OSBPL10: variants seen among roughly 807,000 people sequenced by gnomAD.
OSBPL10 encodes the protein oxysterol-binding protein-related protein 10.
In OSBPL10, 49 loss-of-function variants were observed where a neutral mutation model predicts 81.7. The ratio of observed to expected loss-of-function variants is 0.60; its 90% confidence interval spans 0.48 to 0.76. The LOEUF (loss-of-function observed/expected upper bound fraction) is 0.76, where lower values mean the gene tolerates loss of function less well. OSBPL10 is among the 30% of genes least tolerant of loss of function. The pLI, the probability that OSBPL10 is intolerant of heterozygous loss-of-function variation, is 0.00. For missense variants in OSBPL10, 923 were observed against 987.8 expected, an observed-to-expected ratio of 0.93 and a Z score of 0.88; for synonymous variants, 419 against 383.6, an observed-to-expected ratio of 1.09 and a Z score of -1.08.
intron 8 of OSBPL10, 84 bp downstream of exon 8, chr3:31,683,550 T>G: frequency 6.6e-7 from 1 of 1,512,792 alleles, no homozygotes; most frequent in Non-Finnish European, 8.8e-7. Context: ...AACAAAAAAC[T>G]CCACACACAA....
At chr3:31,926,955 T>C (rs9856276) in intron 1 of OSBPL10, among the ~76,000 whole-genome samples, 88,621 of 151,758 alleles carry the variant, frequency 0.58, 26,703 homozygotes, top group African/African-American at 0.74. Flanking sequence ...ACTAAAAATA[T>C]AAAAAATTAG....
At chr3:31,842,822 G>A (rs1700531910) in intron 3 of OSBPL10, among the ~76,000 whole-genome samples, 1 of 152,166 alleles carries the variant, frequency 6.6e-6, no homozygotes, top group Admixed American at 6.5e-5. Context: ...ACTGATACGG[G>A]AAGAGCAAAA....
chr3:31,857,553 G>A (rs897541104), intron 3 of OSBPL10, among the ~76,000 whole-genome samples: 6 of 151,442 alleles, frequency 4.0e-5, no homozygotes, highest in South Asian at 2.1e-4. Context: ...AAAGAGCCTC[G>A]GCTCCAGGTT....
At chr3:31,702,563 A>G in intron 6 of OSBPL10, 55 bp from the exon 7 acceptor site, 1 of 1,604,478 alleles carries the variant, frequency 6.2e-7, no homozygotes, top group Non-Finnish European at 8.5e-7. Flanking sequence ...AGTTAGAAAT[A>G]AAGTGTATGA....
intron 4 of OSBPL10, among the ~76,000 whole-genome samples, chr3:31,773,356 A>AT (rs1698438069): frequency 6.6e-6 from 1 of 152,228 alleles, no homozygotes; most frequent in South Asian, 2.1e-4. Context: ...CCTGGGGGAC[A>AT]TTTAAAACAG....
At chr3:31,861,405 G>C (rs1701054646) in intron 3 of OSBPL10, among the ~76,000 whole-genome samples, 1 of 152,126 alleles carries the variant, frequency 6.6e-6, no homozygotes, top group African/African-American at 2.4e-5. Flanking sequence ...TATGTAAACA[G>C]TTATTTGTAT....
intron 10 of OSBPL10, among the ~76,000 whole-genome samples, chr3:31,666,799 T>C (rs957717064): frequency 6.6e-6 from 1 of 152,176 alleles, no homozygotes; most frequent in Non-Finnish European, 1.5e-5. Context: ...ATTATAACAA[T>C]ATACCATAAT....
At position 31,791,236 on chromosome 3, in the gene OSBPL10, T is replaced by C. The variant is rs1345610958; in HGVS notation, c.729+38804A>G. On this transcript the variant is annotated intron_variant, in intron 4 of 11. Coordinates refer to ENST00000396556, the MANE Select transcript of OSBPL10 (RefSeq NM_017784.5). Reference sequence around the variant, plus strand: ...AAATCTTGTCGTTTAAAAACCATAATGCATCTTTCAAACCTCAGAAAATGG... The same window carrying C: ...AAATCTTGTCGTTTAAAAACCATAACGCATCTTTCAAACCTCAGAAAATGG... Among the ~76,000 whole-genome samples the C allele has an allele frequency of 2.0e-5, 3 of 152,196 alleles. No individual in the cohort carries two copies. The East Asian group carries it at 5.8e-4, about 29-fold the overall frequency.
chr3:31,838,533 A>C (rs901604613), intron 3 of OSBPL10, among the ~76,000 whole-genome samples: 7 of 147,534 alleles, frequency 4.7e-5, no homozygotes, highest in Non-Finnish European at 8.9e-5. Flanking sequence ...AAAAAAAAAA[A>C]AAAACCTCAT....
At chr3:31,929,609 G>T (rs757196407) in intron 1 of OSBPL10, among the ~76,000 whole-genome samples, 1 of 151,980 alleles carries the variant, frequency 6.6e-6, no homozygotes, top group Non-Finnish European at 1.5e-5. Context: ...TTAGCTGGGC[G>T]TGGTGGCAGC....
At chr3:31,967,479 C>CA (rs1292656240) in intron 1 of OSBPL10, among the ~76,000 whole-genome samples, 3 of 137,526 alleles carry the variant, frequency 2.2e-5, no homozygotes, top group Non-Finnish European at 4.5e-5. Context: ...CACCCTGTCT[C>CA]AAAAAAATGA....
At chr3:31,791,634 A>T (rs1335268178) in intron 4 of OSBPL10, among the ~76,000 whole-genome samples, 2 of 152,120 alleles carry the variant, frequency 1.3e-5, no homozygotes, top group African/African-American at 4.8e-5. Context: ...CTAGTGACTT[A>T]AAGAGGTTTT....
intron 4 of OSBPL10, among the ~76,000 whole-genome samples, chr3:31,821,950 C>T (rs1699989813): frequency 6.6e-6 from 1 of 152,200 alleles, no homozygotes; most frequent in Non-Finnish European, 1.5e-5. Context: ...AACAAGATCA[C>T]ACCAAATCAT....
At position 31,980,949 on chromosome 3, in the gene OSBPL10, G is replaced by C. The variant is rs1698822014; in HGVS notation, c.231C>G (p.Leu77=). The change falls in exon 1 of 12, where the codon CTC becomes CTG. Residue 77 remains leucine, a synonymous_variant. Coordinates refer to ENST00000396556, the MANE Select transcript of OSBPL10 (RefSeq NM_017784.5). ...GGGGRRREPA[L]EGVLSKYTNL... The stretch of plus-strand genomic sequence containing the variant: ...TGGTGTATTTGCTGAGCACGCCCTC[G>C]AGCGCCGGCTCCCTCCTGCGGCCGC... 1 of 1,577,966 alleles carries C rather than the reference G, an allele frequency of 6.3e-7. No homozygotes were observed. The highest frequency in any genetic ancestry group is 8.6e-7 in the Non-Finnish European group (1 of 1,165,906).
chr3:31,837,948 G>C (rs1575575920), intron 3 of OSBPL10, among the ~76,000 whole-genome samples: 1 of 152,202 alleles, frequency 6.6e-6, no homozygotes, highest in East Asian at 1.9e-4. Flanking sequence ...AAAGATGTCA[G>C]TTCTCTCTAA....
At chr3:31,873,884 C>G (rs1701389679) in intron 3 of OSBPL10, among the ~76,000 whole-genome samples, 1 of 152,194 alleles carries the variant, frequency 6.6e-6, no homozygotes, top group Admixed American at 6.5e-5. Flanking sequence ...ATAATAAGGT[C>G]TGTTCACAGT....
chr3:31,973,522 G>C (rs1575071476), intron 1 of OSBPL10, among the ~76,000 whole-genome samples: 2 of 152,294 alleles, frequency 1.3e-5, no homozygotes, highest in South Asian at 2.1e-4. Flanking sequence ...CAGATGGAGA[G>C]ACCAAGGCCC....
intron 7 of OSBPL10, among the ~76,000 whole-genome samples, chr3:31,694,005 A>G (rs1323539269): frequency 6.6e-6 from 1 of 152,162 alleles, no homozygotes; most frequent in Non-Finnish European, 1.5e-5. Flanking sequence ...CCTGGACTGA[A>G]GTGATTCTCC....
At chr3:31,731,637 T>C (rs951498854) in intron 6 of OSBPL10, among the ~76,000 whole-genome samples, 1 of 151,900 alleles carries the variant, frequency 6.6e-6, no homozygotes, top group Non-Finnish European at 1.5e-5. Flanking sequence ...TACAGGCGTG[T>C]GCCACCACGC....
Sources: gnomAD v4.1 joint callset for allele counts (sites outside exome capture counted in the v4.1 genomes callset) on GRCh38, gnomAD v4.1.1 for gene constraint, MANE v1.5 for transcripts, NCBI Gene and HGNC (gene_info 2026-07-23, HGNC 2026-07-21) for gene names.